The following IRAK1BP1 variants were observed in gnomAD, a reference collection of about 807,000 sequenced individuals.
IRAK1BP1 encodes interleukin-1 receptor-associated kinase 1-binding protein 1.
Under a neutral mutation model 28.0 loss-of-function variants are expected in IRAK1BP1, and 24 were observed. The observed-to-expected ratio is 0.86, with a 90% CI of 0.62 to 1.20. IRAK1BP1 has a LOEUF of 1.20. Among genes scored for constraint, IRAK1BP1 ranks in the 50% most tolerant of loss-of-function variants. The probability of loss-of-function intolerance (pLI) is 0.00; values close to 1 mark genes in which losing one functional copy is unlikely to be tolerated. For missense variants in IRAK1BP1, 336 were observed against 316.7 expected (o/e 1.06, Z -0.46); for synonymous variants, 131 against 116.3 (o/e 1.13, Z -0.81).
chr6:78,903,078 C>T lies in IRAK1BP1; in HGVS notation c.*4744C>T, dbSNP rs1176096158. The stretch of plus-strand genomic sequence containing the variant: ...CTGTGAATTATCATGAATCCCACAT[C>T]AAATGAACAAATACTGCCTCTGGAC... On this transcript the variant is annotated 3_prime_UTR_variant, in exon 4 of 4. Coordinates refer to ENST00000369940, the MANE Select transcript of IRAK1BP1 (RefSeq NM_001010844.4). The T allele has an allele frequency of 3.9e-6, 6 of 1,520,304 alleles. No homozygotes were observed. In the East Asian group the frequency reaches 9.8e-5, roughly 25 times the overall value. 94.2% of individuals were successfully genotyped at this position (1,520,304 alleles called of 1,614,324 possible).
chr6:78,962,081 A>T, the IRAK1BP1 span, among the ~76,000 whole-genome samples: 1 of 152,186 alleles, frequency 6.6e-6, no homozygotes, highest in Non-Finnish European at 1.5e-5. Flanking sequence ...AGACCTAATA[A>T]GTACACATAC....
chr6:78,915,594 C>T (rs1335837827), intron 4 of IRAK1BP1, among the ~76,000 whole-genome samples: 2 of 152,160 alleles, frequency 1.3e-5, no homozygotes, highest in Non-Finnish European at 2.9e-5. Context: ...CAGGGGACTC[C>T]TGTGATGATC....
the IRAK1BP1 span, among the ~76,000 whole-genome samples, chr6:78,953,828 C>T: frequency 2.0e-5 from 3 of 152,010 alleles, no homozygotes; most frequent in East Asian, 1.9e-4. Flanking sequence ...TCAGGTGATC[C>T]GCCTGCCTTG....
At chr6:78,927,447 G>T (rs776936951) in intron 4 of IRAK1BP1, among the ~76,000 whole-genome samples, 2 of 152,118 alleles carry the variant, frequency 1.3e-5, no homozygotes, top group Non-Finnish European at 2.9e-5. Flanking sequence ...TCCCTTGTCA[G>T]ATGGGTAGTT....
chr6:78,872,944 A>T (rs1002626094), intron 1 of IRAK1BP1, among the ~76,000 whole-genome samples: 1 of 152,138 alleles, frequency 6.6e-6, no homozygotes, highest in Non-Finnish European at 1.5e-5. Flanking sequence ...AATTGATAAG[A>T]ACCTTAAAAA....
At chr6:78,945,947 AG>A in exon 5 of IRAK1BP1, 1 of 1,324,378 alleles carries the variant, frequency 7.6e-7, no homozygotes, top group South Asian at 1.3e-5. Context: ...GCAAAGTAAA[AG>A]CTTAAATTAA....
chr6:78,878,027 C>T (rs1232851060), intron 1 of IRAK1BP1, among the ~76,000 whole-genome samples: 1 of 151,936 alleles, frequency 6.6e-6, no homozygotes. Context: ...CACCACAGCT[C>T]AAGGAGACCT....
At chr6:78,978,878 A>C in the IRAK1BP1 span, among the ~76,000 whole-genome samples, 1 of 152,174 alleles carries the variant, frequency 6.6e-6, no homozygotes, top group Non-Finnish European at 1.5e-5. Context: ...ACATCCATGC[A>C]TTCAACCAAC....
chr6:78,868,522 T>C (rs985943088), intron 1 of IRAK1BP1, among the ~76,000 whole-genome samples: 1 of 152,228 alleles, frequency 6.6e-6, no homozygotes, highest in Non-Finnish European at 1.5e-5. Context: ...ATACCACATA[T>C]ACGAAATACT....
the IRAK1BP1 span, among the ~76,000 whole-genome samples, chr6:78,967,256 T>G: frequency 2.0e-5 from 3 of 152,154 alleles, no homozygotes; most frequent in African/African-American, 7.2e-5. Flanking sequence ...CTGTTGACAG[T>G]TGTTCCTCAG....
chr6:78,925,800 C>G (rs1369258413), intron 4 of IRAK1BP1, among the ~76,000 whole-genome samples: 1 of 152,132 alleles, frequency 6.6e-6, no homozygotes, highest in African/African-American at 2.4e-5. Flanking sequence ...AGATGCCCAT[C>G]ACTGGTGGAG....
At chr6:78,873,644 AATTTTTTATAG>A (rs1770879802) in intron 1 of IRAK1BP1, among the ~76,000 whole-genome samples, 1 of 151,964 alleles carries the variant, frequency 6.6e-6, no homozygotes, top group South Asian at 2.1e-4. Flanking sequence ...ATGCCCAGCT[AATTTTTTATAG>A]AGACGGGGTC....
chr6:78,920,170 C>T (rs1772684387), intron 4 of IRAK1BP1, among the ~76,000 whole-genome samples: 2 of 152,162 alleles, frequency 1.3e-5, no homozygotes, highest in South Asian at 4.1e-4. Flanking sequence ...AGGAGAATGG[C>T]TTGAACCTGG....
At chr6:78,975,640 A>C in the IRAK1BP1 span, among the ~76,000 whole-genome samples, 1 of 152,184 alleles carries the variant, frequency 6.6e-6, no homozygotes, top group Admixed American at 6.5e-5. Context: ...GTCTCAGCCC[A>C]AAATCTCCTT....
Position 78,900,587 on chromosome 6 carries a change from T to G in IRAK1BP1, c.*2253T>G, listed in dbSNP as rs1030828599. 3 of 151,982 alleles carry G rather than the reference T, an allele frequency of 2.0e-5. No homozygotes were observed. The highest frequency in any genetic ancestry group is 2.9e-5 in the Non-Finnish European group (2 of 67,980). The allele number at this position is 151,982 out of a possible 1,614,324, so 9.4% of individuals were successfully genotyped here. A position where few individuals can be genotyped will look rare whatever the true frequency, so the allele number is the denominator to read the frequency against. On this transcript the variant is annotated 3_prime_UTR_variant, in exon 4 of 4. Transcript: ENST00000369940. ...GCTCCTTGAAAGTGGAGATCTTGTC[T>G]GTCTTGTTCACAGTTGTGTTCCCAG...
chr6:78,878,522 T>C (rs1426040674), intron 1 of IRAK1BP1, among the ~76,000 whole-genome samples: 2 of 152,082 alleles, frequency 1.3e-5, no homozygotes, highest in African/African-American at 4.8e-5. Flanking sequence ...CAAAGGTAGA[T>C]CAAACCACAA....
intron 1 of IRAK1BP1, among the ~76,000 whole-genome samples, chr6:78,874,538 A>C (rs1018882280): frequency 2.0e-5 from 3 of 152,184 alleles, no homozygotes; most frequent in Non-Finnish European, 4.4e-5. Context: ...TATTATCTTC[A>C]TAAAGCATTT....
intron 2 of IRAK1BP1, among the ~76,000 whole-genome samples, chr6:78,887,140 A>G (rs745706101): frequency 9.2e-5 from 14 of 152,226 alleles, no homozygotes; most frequent in Non-Finnish European, 1.3e-4. Flanking sequence ...ACTGTTAAAT[A>G]TATGGAATGA....
At chr6:78,948,741 G>A (rs924424268), downstream of IRAK1BP1, among the ~76,000 whole-genome samples, 1 of 152,132 alleles carries the variant, frequency 6.6e-6, no homozygotes, top group African/African-American at 2.4e-5. Flanking sequence ...TGACCTGCCC[G>A]TCTTGACCTC....
Sources: gnomAD v4.1 joint callset for allele counts (sites outside exome capture counted in the v4.1 genomes callset) on GRCh38, gnomAD v4.1.1 for gene constraint, MANE v1.5 for transcripts, NCBI Gene and HGNC (gene_info 2026-07-23, HGNC 2026-07-21) for gene names.